The following NEGR1 variants were observed in gnomAD, a reference collection of about 807,000 sequenced individuals.
NEGR1 encodes neuronal growth regulator 1.
A neutral mutation model predicts 40.9 loss-of-function variants in NEGR1; 10 were observed. The observed-to-expected ratio is 0.24, with a 90% CI of 0.15 to 0.42. The LOEUF (loss-of-function observed/expected upper bound fraction) is 0.42. Among genes scored for constraint, NEGR1 ranks in the 10% least tolerant of loss-of-function variants. NEGR1 has a pLI of 1.00. For synonymous variants in NEGR1, 185 were observed against 166.8 expected (o/e 1.11, Z -0.84); for missense variants, 352 against 438.9 (o/e 0.80, Z 1.77).
At position 72,221,571 on chromosome 1, in the gene NEGR1, C is replaced by T. The variant is rs74088197; in HGVS notation, c.176+60748G>A. ...TTTTTCTGTGGAACTTTAATATTAT[C>T]GGATATGAAGAAGTGATAATTTAAT... is the stretch of plus-strand genomic sequence containing the variant. On this transcript the variant is annotated intron_variant, in intron 1 of 6. Transcript: ENST00000357731. 1.2e-3 allele frequency among the ~76,000 whole-genome samples: 188 copies of T among 151,978 alleles called. 1 individual carries two copies. Among genetic ancestry groups the T allele is most frequent in the African/African-American group, 4.3e-3 (177 of 41,454 alleles).
intron 1 of NEGR1, among the ~76,000 whole-genome samples, chr1:72,156,341 C>G (rs1407825545): frequency 1.3e-5 from 2 of 152,062 alleles, no homozygotes; most frequent in Non-Finnish European, 2.9e-5. Flanking sequence ...ACAAGGCTAC[C>G]AGCTCCATTT....
At chr1:71,530,672 T>C (rs1164622021) in intron 6 of NEGR1, among the ~76,000 whole-genome samples, 1 of 151,340 alleles carries the variant, frequency 6.6e-6, no homozygotes, top group Non-Finnish European at 1.5e-5. Context: ...GCTAAGAAAT[T>C]CAATTTTAGA....
rs190240181 is a variant in NEGR1, at chr1:71,850,571, T to A, written c.410-74274A>T. Reference sequence around the variant, plus strand: ...AAAATTTCTGCTAAGTAAATGAGTATGTATCAGTGATTGTATGTTATTCAT... The same window carrying A: ...AAAATTTCTGCTAAGTAAATGAGTAAGTATCAGTGATTGTATGTTATTCAT... On this transcript the variant is annotated intron_variant, in intron 2 of 6. Coordinates refer to ENST00000357731, the MANE Select transcript of NEGR1 (RefSeq NM_173808.3). 5.1e-3 allele frequency among the ~76,000 whole-genome samples: 778 copies of A among 152,322 alleles called. 3 individuals are homozygous for A. The highest frequency in any genetic ancestry group is 0.017 in the Middle Eastern group (5 of 294).
chr1:71,555,210 C>T lies in NEGR1; in HGVS notation c.940+37607G>A, dbSNP rs180752409. On this transcript the variant is annotated intron_variant, in intron 6 of 6. Coordinates refer to ENST00000357731, the MANE Select transcript of NEGR1 (RefSeq NM_173808.3). ...TTTTACATCAAACCCTGGTTTAGACCGCTAGCCATTCTTAAAGCTCTGTAG... is the reference window on the plus strand; with the variant it reads ...TTTTACATCAAACCCTGGTTTAGACTGCTAGCCATTCTTAAAGCTCTGTAG... Among the ~76,000 whole-genome samples the T allele has an allele frequency of 6.0e-4, 90 of 151,088 alleles. No homozygotes were observed. In the Middle Eastern group the frequency reaches 0.01, roughly 17 times the overall value.
chr1:72,162,647 G>T (rs144106472), intron 1 of NEGR1, among the ~76,000 whole-genome samples: 1 of 152,176 alleles, frequency 6.6e-6, no homozygotes, highest in African/African-American at 2.4e-5. Flanking sequence ...TTCCAGAGTA[G>T]AACAACAAGT....
intron 6 of NEGR1, among the ~76,000 whole-genome samples, chr1:71,494,420 ATCCATGAC>A (rs1646948905): frequency 6.6e-6 from 1 of 152,140 alleles, no homozygotes. Flanking sequence ...AGATAATACC[ATCCATGAC>A]TCCACAGGAA....
chr1:71,593,347 G>T (rs1483459778), intron 5 of NEGR1, among the ~76,000 whole-genome samples: 2 of 152,134 alleles, frequency 1.3e-5, no homozygotes, highest in Non-Finnish European at 2.9e-5. Context: ...AGTACAAACT[G>T]ATGGTTTCTA....
intron 2 of NEGR1, among the ~76,000 whole-genome samples, chr1:71,866,385 T>C (rs936603508): frequency 5.9e-5 from 9 of 152,176 alleles, no homozygotes; most frequent in African/African-American, 2.2e-4. Context: ...ATAATGTCAG[T>C]AAGAATAGGC....
chr1:71,677,725 T>C (rs1265813342), intron 4 of NEGR1, among the ~76,000 whole-genome samples: 1 of 152,152 alleles, frequency 6.6e-6, no homozygotes, highest in Non-Finnish European at 1.5e-5. Context: ...GATTCTGGGG[T>C]TTAGTAATGT....
At chr1:71,439,170 A>T (rs1646530027) in intron 6 of NEGR1, among the ~76,000 whole-genome samples, 1 of 152,004 alleles carries the variant, frequency 6.6e-6, no homozygotes, top group South Asian at 2.1e-4. Context: ...TGTGTTTTCC[A>T]AGCAGTGTAT....
chr1:72,213,831 T>C (rs995042683), intron 1 of NEGR1, among the ~76,000 whole-genome samples: 17 of 151,926 alleles, frequency 1.1e-4, no homozygotes, highest in African/African-American at 3.6e-4. Context: ...ATCCCAACAA[T>C]AGAAAAAGAG....
intron 1 of NEGR1, among the ~76,000 whole-genome samples, chr1:72,215,054 A>G (rs1424958250): frequency 6.6e-6 from 1 of 152,132 alleles, no homozygotes; most frequent in Admixed American, 6.6e-5. Flanking sequence ...CCTCAGAAAT[A>G]ACACCACACA....
chr1:72,089,923 G>T (rs1216524503), intron 1 of NEGR1, among the ~76,000 whole-genome samples: 1 of 152,006 alleles, frequency 6.6e-6, no homozygotes, highest in African/African-American at 2.4e-5. Context: ...TTCTTAAATA[G>T]AAAAATGATT....
intron 3 of NEGR1, among the ~76,000 whole-genome samples, chr1:71,730,640 T>G (rs1312010480): frequency 6.7e-6 from 1 of 148,808 alleles, no homozygotes; most frequent in Non-Finnish European, 1.5e-5. Context: ...AACACATTTT[T>G]GAAAGCCATT....
At chr1:71,931,049 C>G (rs1049392184) in intron 2 of NEGR1, among the ~76,000 whole-genome samples, 1 of 152,162 alleles carries the variant, frequency 6.6e-6, no homozygotes, top group African/African-American at 2.4e-5. Context: ...TAACTACACT[C>G]CCAGGTTCTA....
chr1:71,783,252 C>G (rs1224773134), intron 2 of NEGR1, among the ~76,000 whole-genome samples: 1 of 152,248 alleles, frequency 6.6e-6, no homozygotes, highest in Admixed American at 6.5e-5. Flanking sequence ...AACATCCTTC[C>G]TTTCACTGGG....
At chr1:71,945,262 G>T (rs2100259559) in intron 1 of NEGR1, among the ~76,000 whole-genome samples, 1 of 152,126 alleles carries the variant, frequency 6.6e-6, no homozygotes, top group Non-Finnish European at 1.5e-5. Context: ...TTGTTATGAG[G>T]ATTAAATTAA....
chr1:71,427,130 C>T (rs1216659666), intron 6 of NEGR1, among the ~76,000 whole-genome samples: 1 of 152,182 alleles, frequency 6.6e-6, no homozygotes, highest in African/African-American at 2.4e-5. Context: ...TTGGAGATGT[C>T]ATAAGCATAA....
At chr1:71,779,942 T>C (rs535629210) in intron 2 of NEGR1, among the ~76,000 whole-genome samples, 1 of 146,490 alleles carries the variant, frequency 6.8e-6, no homozygotes, top group Non-Finnish European at 1.5e-5. Flanking sequence ...TGGATGGTGA[T>C]AACAATTGTC....
Sources: allele counts gnomAD v4.1 joint callset (sites outside exome capture counted in the v4.1 genomes callset), GRCh38; gene constraint gnomAD v4.1.1; transcripts MANE v1.5; gene names NCBI Gene and HGNC (gene_info 2026-07-23, HGNC 2026-07-21).